Variants in CDH13 observed in about 807,000 individuals in gnomAD.
CDH13 encodes the protein cadherin-13.
In CDH13, 24 loss-of-function variants were observed where a neutral mutation model predicts 63.8. The observed-to-expected ratio is 0.38, with a 90% confidence interval of 0.27 to 0.53. CDH13 has a LOEUF of 0.53. Ranked by LOEUF, CDH13 falls within the 20% of genes least tolerant of loss-of-function variation. CDH13 has a pLI of 0.85. For synonymous variants in CDH13, 503 were observed against 355.3 expected, an observed-to-expected ratio of 1.42 and a Z score of -4.67; for missense variants, 1,049 against 903.1, an observed-to-expected ratio of 1.16 and a Z score of -2.07.
At chr16:82,920,135 G>C (rs8053195) in intron 2 of CDH13, among the ~76,000 whole-genome samples, 53,051 of 151,976 alleles carry the variant, frequency 0.35, 9,788 homozygotes, top group Middle Eastern at 0.51. Context: ...AATAGGGCTG[G>C]CTTCAGGCCT....
chr16:83,088,447 C>A (rs1044234978), intron 3 of CDH13, among the ~76,000 whole-genome samples: 1 of 152,208 alleles, frequency 6.6e-6, no homozygotes, highest in East Asian at 1.9e-4. Context: ...GACAGTTGCC[C>A]ACCGAACCAC....
chr16:83,169,816 C>T (rs952059928), intron 4 of CDH13, among the ~76,000 whole-genome samples: 14 of 151,948 alleles, frequency 9.2e-5, no homozygotes, highest in Non-Finnish European at 1.3e-4. Flanking sequence ...TTTCCTTATG[C>T]GTATTCTCTT....
intron 5 of CDH13, among the ~76,000 whole-genome samples, chr16:83,299,233 T>A (rs910523557): frequency 6.6e-6 from 1 of 152,154 alleles, no homozygotes; most frequent in African/African-American, 2.4e-5. Context: ...TGTGGATGTT[T>A]CTCTTTGTTT....
intron 11 of CDH13, among the ~76,000 whole-genome samples, chr16:83,751,037 T>G (rs994751822): frequency 2.0e-5 from 3 of 150,654 alleles, no homozygotes; most frequent in African/African-American, 7.3e-5. Context: ...AGTTGGGAAG[T>G]TGGTCAGCAT....
At chr16:83,433,441 G>T (rs1171847602) in intron 6 of CDH13, among the ~76,000 whole-genome samples, 1 of 152,114 alleles carries the variant, frequency 6.6e-6, no homozygotes, top group Non-Finnish European at 1.5e-5. Flanking sequence ...TTCATTACTG[G>T]GAAAATGCAT....
At chr16:83,624,344 A>C (rs60512724) in intron 8 of CDH13, among the ~76,000 whole-genome samples, 9,646 of 144,976 alleles carry the variant, frequency 0.067, 443 homozygotes, top group Admixed American at 0.08. Flanking sequence ...TAACGCCCCC[A>C]CCCCTGCCCC....
chr16:82,892,746 A>G (rs913705977), intron 2 of CDH13, among the ~76,000 whole-genome samples: 1 of 152,048 alleles, frequency 6.6e-6, no homozygotes, highest in African/African-American at 2.4e-5. Context: ...TTTTTTTTTC[A>G]TGTAACAATA....
At chr16:83,000,416 T>A (rs1455461365) in intron 2 of CDH13, among the ~76,000 whole-genome samples, 1 of 150,528 alleles carries the variant, frequency 6.6e-6, no homozygotes, top group Non-Finnish European at 1.5e-5. Flanking sequence ...GCCCAGCTAA[T>A]TTTTTGTATT....
In CDH13 at chr16:83,047,700, T is replaced by C. The variant is rs1469473732; in HGVS notation, c.366+15482T>C. 6.6e-6 allele frequency among the ~76,000 whole-genome samples: 1 copy of C among 152,240 alleles called. No homozygotes were observed. The highest frequency in any genetic ancestry group is 1.5e-5 in the Non-Finnish European group (1 of 68,040). ...AATATCTGGCTGTGAATAAATAATT[T>C]CTTAATGACTTAGCAAATGCTGGAG... is the stretch of plus-strand genomic sequence containing the variant. On this transcript the variant is annotated intron_variant, in intron 3 of 13. Coordinates refer to ENST00000567109, the MANE Select transcript of CDH13 (RefSeq NM_001257.5). This position sits in a 1 kb window ranked among gnomAD's most constrained non-coding sequence, Gnocchi z 4.9.
chr16:83,281,606 C>T (rs979343691), intron 5 of CDH13, among the ~76,000 whole-genome samples: 6 of 152,080 alleles, frequency 3.9e-5, no homozygotes, highest in South Asian at 2.1e-4. Context: ...AACATGTCTT[C>T]GTCATTAAGC....
At chr16:83,256,603 G>A (rs1375777323) in intron 5 of CDH13, among the ~76,000 whole-genome samples, 4 of 150,808 alleles carry the variant, frequency 2.7e-5, no homozygotes, top group Middle Eastern at 3.2e-3. Flanking sequence ...AGGCTGAGGC[G>A]GGCGAATCAC....
At chr16:83,433,702 A>T (rs2072198157) in intron 6 of CDH13, among the ~76,000 whole-genome samples, 1 of 152,202 alleles carries the variant, frequency 6.6e-6, no homozygotes, top group Admixed American at 6.5e-5. Context: ...CCCGGTGACA[A>T]ATGTGGCAAA....
chr16:83,391,013 A>G (rs1292605149), intron 6 of CDH13, among the ~76,000 whole-genome samples: 6 of 152,194 alleles, frequency 3.9e-5, no homozygotes, highest in Non-Finnish European at 7.3e-5. Flanking sequence ...GATTCAAACC[A>G]TACAAAGTAC....
intron 4 of CDH13, among the ~76,000 whole-genome samples, chr16:83,127,871 C>A (rs2035880024): frequency 6.6e-6 from 1 of 152,138 alleles, no homozygotes; most frequent in Non-Finnish European, 1.5e-5. Flanking sequence ...TTTTAAGAGT[C>A]TGGGACATGA....
intron 4 of CDH13, among the ~76,000 whole-genome samples, chr16:83,132,089 T>C (rs1310012440): frequency 1.3e-5 from 2 of 151,920 alleles, no homozygotes; most frequent in Admixed American, 1.3e-4. Context: ...TGCCAAGGAG[T>C]CTGATAGTCT....
At chr16:83,484,041 C>T (rs748875393) in intron 6 of CDH13, among the ~76,000 whole-genome samples, 1 of 152,182 alleles carries the variant, frequency 6.6e-6, no homozygotes, top group African/African-American at 2.4e-5. Flanking sequence ...GGAAGTGCAC[C>T]TTGAAGCATG....
chr16:82,996,129 A>T (rs533077978), intron 2 of CDH13, among the ~76,000 whole-genome samples: 2 of 152,080 alleles, frequency 1.3e-5, no homozygotes, highest in African/African-American at 4.8e-5. Flanking sequence ...AGATGAAATA[A>T]TTCTTCCATT....
intron 6 of CDH13, among the ~76,000 whole-genome samples, chr16:83,361,508 C>T (rs1023005608): frequency 6.6e-6 from 1 of 152,148 alleles, no homozygotes; most frequent in Non-Finnish European, 1.5e-5. Context: ...TTTCCCAAGG[C>T]CAATGTCCAG....
chr16:83,197,161 T>G (rs546591209), intron 4 of CDH13, among the ~76,000 whole-genome samples: 2 of 152,328 alleles, frequency 1.3e-5, no homozygotes, highest in South Asian at 4.1e-4. Context: ...CAGGGAATTA[T>G]GCTGAATGAA....
Sources: gnomAD v4.1 joint callset for allele counts (sites outside exome capture counted in the v4.1 genomes callset) on GRCh38, gnomAD v4.1.1 for gene constraint, Gnocchi (gnomAD v3.1) non-coding constraint, MANE v1.5 for transcripts, NCBI Gene and HGNC (gene_info 2026-07-23, HGNC 2026-07-21) for gene names.